The following SNAP25 variants were observed in gnomAD, a reference collection of about 807,000 sequenced individuals.
SNAP25 encodes the protein synaptosomal-associated protein 25.
A neutral mutation model predicts 28.7 loss-of-function variants in SNAP25; 3 were observed. The ratio of observed to expected loss-of-function variants is 0.10; its 90% CI spans 0.05 to 0.27. SNAP25 has a LOEUF of 0.27. Ranked by LOEUF, SNAP25 falls within the 10% of genes least tolerant of loss-of-function variation. The pLI is 1.00. For synonymous variants in SNAP25, 61 were observed against 88.1 expected (o/e 0.69, Z 1.72); for missense variants, 117 against 278.7 (o/e 0.42, Z 4.13).
chr20:10,220,957 G>A (rs1053618025), intron 1 of SNAP25, among the ~76,000 whole-genome samples: 3 of 151,972 alleles, frequency 2.0e-5, no homozygotes, highest in African/African-American at 7.3e-5. Flanking sequence ...TGTATATGTT[G>A]ATCTGTTATT....
At chr20:10,291,926 T>C (rs2123113105) in intron 4 of SNAP25, among the ~76,000 whole-genome samples, 1 of 152,340 alleles carries the variant, frequency 6.6e-6, no homozygotes, top group East Asian at 1.9e-4. Flanking sequence ...GTTATCTCAA[T>C]TTGGTGATAC....
At chr20:10,290,550 T>C (rs2063974030) in intron 4 of SNAP25, among the ~76,000 whole-genome samples, 1 of 152,056 alleles carries the variant, frequency 6.6e-6, no homozygotes, top group Non-Finnish European at 1.5e-5. Flanking sequence ...ATAGGTCCAA[T>C]ACCTGTGCAC....
intron 4 of SNAP25, among the ~76,000 whole-genome samples, chr20:10,286,631 C>G (rs2063885620): frequency 6.6e-6 from 1 of 152,100 alleles, no homozygotes; most frequent in African/African-American, 2.4e-5. Flanking sequence ...TACATAGGTG[C>G]ACAGCTGGAG....
chr20:10,227,590 T>C lies in SNAP25; in HGVS notation c.-64+8613T>C, dbSNP rs529114357. ...TTTACCCTAACTAGCTGCCAAACTA[T>C]GGCAAATGGTATAATATTCTAATCT... On this transcript the variant is annotated intron_variant, in intron 1 of 7. Transcript: ENST00000254976. Among the ~76,000 whole-genome samples the C allele has an allele frequency of 1.2e-4, 19 of 152,288 alleles. No individual in the cohort carries two copies. The East Asian group carries it at 3.5e-3, about 28-fold the overall frequency.
intron 1 of SNAP25, among the ~76,000 whole-genome samples, chr20:10,228,429 A>C (rs1040234499): frequency 9.9e-5 from 15 of 152,184 alleles, no homozygotes; most frequent in African/African-American, 3.4e-4. Flanking sequence ...CACTGCTGAT[A>C]CATAGAACGT....
intron 1 of SNAP25, among the ~76,000 whole-genome samples, chr20:10,241,159 T>A (rs1455372089): frequency 6.6e-6 from 1 of 151,316 alleles, no homozygotes; most frequent in Non-Finnish European, 1.5e-5. Flanking sequence ...TGCAGAGGCC[T>A]TGGCTGGGAA....
At position 10,293,749 on chromosome 20, in the gene SNAP25, A is replaced by C. The variant is rs554074450; in HGVS notation, c.281+471A>C. ...GATTCTATAAATTAGAGAATATGAC[A>C]GAGATTCTCCCTTTCTACTGCCCAC... On this transcript the variant is annotated intron_variant, in intron 5 of 7. Transcript: ENST00000254976. The surrounding 1 kb of genome is among the most constrained non-coding windows in gnomAD (Gnocchi z 5.6). Among the ~76,000 whole-genome samples the C allele has an allele frequency of 5.9e-5, 9 of 152,346 alleles. No homozygotes were observed. The highest frequency in any genetic ancestry group is 2.2e-4 in the African/African-American group (9 of 41,584).
chr20:10,282,163 GGAA>G (rs2063789749), intron 3 of SNAP25, among the ~76,000 whole-genome samples: 1 of 3,788 alleles, frequency 2.6e-4, no homozygotes, highest in East Asian at 3.8e-3. Flanking sequence ...AAGGAAGGAT[GGAA>G]GGAAGGAAGG....
intron 1 of SNAP25, among the ~76,000 whole-genome samples, chr20:10,225,230 A>AG (rs1173656006): frequency 5.4e-4 from 63 of 117,462 alleles, no homozygotes; most frequent in Middle Eastern, 4.6e-3. Context: ...CATGTCCCGG[A>AG]GGGGAAAAAA....
intron 1 of SNAP25, among the ~76,000 whole-genome samples, chr20:10,250,259 G>T (rs2063202681): frequency 6.6e-6 from 1 of 152,138 alleles, no homozygotes; most frequent in South Asian, 2.1e-4. Flanking sequence ...TGTTAAAATA[G>T]AACTGGTTCT....
At chr20:10,304,408 G>T (rs2064308046) in intron 7 of SNAP25, among the ~76,000 whole-genome samples, 1 of 152,130 alleles carries the variant, frequency 6.6e-6, no homozygotes, top group African/African-American at 2.4e-5. Context: ...TTAACTACTA[G>T]TAGCCTACTG....
intron 1 of SNAP25, among the ~76,000 whole-genome samples, chr20:10,228,437 C>T (rs993266100): frequency 2.0e-5 from 3 of 152,220 alleles, no homozygotes; most frequent in Admixed American, 6.5e-5. Context: ...ATACATAGAA[C>T]GTGAGTCAGC....
intron 1 of SNAP25, among the ~76,000 whole-genome samples, chr20:10,247,362 G>C (rs913258415): frequency 2.6e-5 from 4 of 151,968 alleles, no homozygotes; most frequent in African/African-American, 4.8e-5. Context: ...GAAATGAGAT[G>C]ACGAGATTTT....
chr20:10,284,725 G>A lies in SNAP25; in HGVS notation c.116G>A (p.Ser39Asn). 6.2e-7 allele frequency: 1 copy of A among 1,612,512 alleles called. No individual in the cohort carries two copies. Among genetic ancestry groups the A allele is most frequent in the East Asian group, 2.2e-5 (1 of 44,850 alleles). Residue 39 changes from serine (S) to asparagine (N), a missense_variant and splice_region_variant, in exon 4 of 8, where the codon AGT (serine) becomes AAT (asparagine). Coordinates refer to ENST00000254976, the MANE Select transcript of SNAP25 (RefSeq NM_130811.4). The part of the protein sequence containing the change: ...TRRMLQLVEE[S>N]KDAGIRTLVM... Reference sequence around the variant, plus strand: ...TTTGCTACCATTATTGGAATGTAGAGTAAAGATGCTGGTATCAGGACTTTG... The same window carrying A: ...TTTGCTACCATTATTGGAATGTAGAATAAAGATGCTGGTATCAGGACTTTG...
In SNAP25 at chr20:10,224,918, C is replaced by T. The variant is rs147434117; in HGVS notation, c.-64+5941C>T. Among the ~76,000 whole-genome samples the T allele has an allele frequency of 2.6e-5, 4 of 151,936 alleles. No individual in the cohort carries two copies. In the East Asian group the frequency reaches 7.7e-4, roughly 29 times the overall value. On this transcript the variant is annotated intron_variant, in intron 1 of 7. Coordinates refer to ENST00000254976, the MANE Select transcript of SNAP25 (RefSeq NM_130811.4). ...TTAGCAATGTATTAGCTGCAGTTCC[C>T]TCACTCATCCTCTTACTTCTTCTGC... is the stretch of plus-strand genomic sequence containing the variant.
chr20:10,245,575 G>A (rs1006887032), intron 1 of SNAP25, among the ~76,000 whole-genome samples: 11 of 152,246 alleles, frequency 7.2e-5, no homozygotes, highest in African/African-American at 2.7e-4. Flanking sequence ...CTGGGGCAGT[G>A]TGGGTTTCAA....
intron 7 of SNAP25, among the ~76,000 whole-genome samples, chr20:10,300,542 G>T (rs1336087638): frequency 1.3e-5 from 2 of 152,136 alleles, no homozygotes; most frequent in Admixed American, 6.5e-5. Flanking sequence ...CCATTTTGGT[G>T]AGCAGAGAAG....
chr20:10,277,376 A>T (rs980537395), intron 2 of SNAP25, among the ~76,000 whole-genome samples: 3 of 152,244 alleles, frequency 2.0e-5, no homozygotes, highest in Non-Finnish European at 4.4e-5. Context: ...ATAATTTTTC[A>T]TGCATTCTGA....
chr20:10,279,744 A>G (rs1324864280), intron 3 of SNAP25, among the ~76,000 whole-genome samples: 6 of 152,352 alleles, frequency 3.9e-5, no homozygotes, highest in Admixed American at 2.6e-4. Flanking sequence ...GCATGCAGCT[A>G]TATCTTAGAA....
Sources: allele counts gnomAD v4.1 joint callset (sites outside exome capture counted in the v4.1 genomes callset), GRCh38; gene constraint gnomAD v4.1.1; non-coding constraint Gnocchi (gnomAD v3.1); transcripts MANE v1.5; gene names NCBI Gene and HGNC (gene_info 2026-07-23, HGNC 2026-07-21).